SCARF2: variants seen among roughly 807,000 people sequenced by gnomAD.
SCARF2 encodes the protein scavenger receptor expressed by endothelial cells 2 protein.
SCARF2 carries 39 observed loss-of-function variants against 73.4 expected under a neutral mutation model. The observed-to-expected ratio is 0.53, with a 90% CI of 0.41 to 0.69. The LOEUF (loss-of-function observed/expected upper bound fraction) is 0.69. SCARF2 is among the 30% of genes least tolerant of loss of function. The probability of loss-of-function intolerance (pLI) is 0.00; values close to 1 mark genes in which losing one functional copy is unlikely to be tolerated. For synonymous variants in SCARF2, 605 were observed against 590.0 expected (o/e 1.03, Z -0.37); for missense variants, 1,148 against 1,303.5 (o/e 0.88, Z 1.84).
At chr22:20,431,590 C>T (rs970976840) in intron 3 of SCARF2, 53 bp from the exon 4 acceptor site, 2 of 1,544,990 alleles carry the variant, frequency 1.3e-6, no homozygotes, top group Admixed American at 2.0e-5. Context: ...AGTAGGTGCC[C>T]CCAGCCAGCC....
rs2052612775 is a variant in SCARF2, at chr22:20,429,207, C to A, written c.1540+18G>T. ...TCGAGAGGTGTTTCTCCCAGATACCCCGCGCTGTCATCCTTACCTACGACT... is the reference window on the plus strand; with the variant it reads ...TCGAGAGGTGTTTCTCCCAGATACCACGCGCTGTCATCCTTACCTACGACT... On this transcript the variant is annotated intron_variant, in intron 9 of 10. Transcript: ENST00000622235. This position sits in a 1 kb window ranked among gnomAD's most constrained non-coding sequence, Gnocchi z 5.2. 1 of 1,613,856 alleles carries A rather than the reference C, an allele frequency of 6.2e-7. No individual in the cohort carries two copies. The highest frequency in any genetic ancestry group is 1.3e-5 in the African/African-American group (1 of 74,932).
Position 20,431,749 on chromosome 22 carries a change from G to A in SCARF2, c.330C>T (p.Asp110=), listed in dbSNP as rs2052651083. 1 of 1,574,948 alleles carries A rather than the reference G, an allele frequency of 6.3e-7. No homozygotes were observed. Among genetic ancestry groups the A allele is most frequent in the Non-Finnish European group, 8.6e-7 (1 of 1,160,972 alleles). Residue 110 remains aspartate (D), a synonymous_variant, in exon 3 of 11, where the codon GAC becomes GAT. Transcript: ENST00000622235. ...CCGGCCCGACCCCACGCTCACTGGT[G>A]TCGCAGTTGGCACCGAAGTAGCCGT... ...CRHGYFGANC[D]TKCPRQFWGP...
At chr22:20,426,407 T>C (rs1342346284) in intron 10 of SCARF2, 125 bp from the exon 11 acceptor site, 23 of 1,058,078 alleles carry the variant, frequency 2.2e-5, no homozygotes, top group East Asian at 2.8e-5. Flanking sequence ...CCCTGGCATC[T>C]AGACGTGCCT....
chr22:20,430,306 TG>T, intron 6 of SCARF2, 122 bp downstream of exon 6: 2 of 1,207,176 alleles, frequency 1.7e-6, no homozygotes, highest in Non-Finnish European at 2.3e-6. Context: ...ACTCCCTAGC[TG>T]GGGTAAGGGA....
At chr22:20,433,000 A>G (rs1216511240) in intron 1 of SCARF2, among the ~76,000 whole-genome samples, 1 of 152,232 alleles carries the variant, frequency 6.6e-6, no homozygotes, top group East Asian at 1.9e-4. Context: ...TACAGGCATG[A>G]GCCAGCGTGC....
At chr22:20,432,204 C>G (rs999812161) in intron 1 of SCARF2, among the ~76,000 whole-genome samples, 2 of 152,178 alleles carry the variant, frequency 1.3e-5, no homozygotes, top group African/African-American at 4.8e-5. Context: ...CAGAACCACC[C>G]ACCCCATCTC....
At chr22:20,434,759 T>A (rs9610925) in intron 1 of SCARF2, among the ~76,000 whole-genome samples, 51,035 of 152,058 alleles carry the variant, frequency 0.34, 8,965 homozygotes, top group Non-Finnish European at 0.37. Context: ...GAGCATTAGT[T>A]CTGTGATTCA....
chr22:20,434,109 C>G (rs1171817585), intron 1 of SCARF2, among the ~76,000 whole-genome samples: 2 of 152,142 alleles, frequency 1.3e-5, no homozygotes, highest in Admixed American at 6.5e-5. Flanking sequence ...TAGTAGGGCT[C>G]TACTGTAGAA....
At chr22:20,431,657 C>T (rs2052649525) in intron 3 of SCARF2, 88 bp downstream of exon 3, 1 of 1,536,592 alleles carries the variant, frequency 6.5e-7, no homozygotes, top group Admixed American at 2.0e-5. Context: ...GCCCCGAAGG[C>T]GGATCCGACC....
At chr22:20,433,855 T>C (rs1444250409) in intron 1 of SCARF2, among the ~76,000 whole-genome samples, 1 of 152,232 alleles carries the variant, frequency 6.6e-6, no homozygotes, top group Non-Finnish European at 1.5e-5. Context: ...TGTGTCTGCT[T>C]CTGAACCATG....
intron 1 of SCARF2, among the ~76,000 whole-genome samples, chr22:20,433,231 G>A (rs1433172889): frequency 6.6e-6 from 1 of 152,216 alleles, no homozygotes; most frequent in East Asian, 1.9e-4. Context: ...CAGGGGCAGA[G>A]GAGGCTGAGA....
chr22:20,429,813 G>T lies in SCARF2; in HGVS notation c.1223C>A (p.Pro408His). 3 of 1,613,020 alleles carry T rather than the reference G, an allele frequency of 1.9e-6. No homozygotes were observed. The highest frequency in any genetic ancestry group is 2.5e-6 in the Non-Finnish European group (3 of 1,179,788). ...HGPHCNVTCP[P>H]GLHGADCAQA... is the part of the protein sequence containing the mutation. The stretch of plus-strand genomic sequence containing the variant: ...AGCACAGTCCGCGCCGTGGAGTCCG[G>T]GCGGGCACGTCACGTTACAGCTGCC... Residue 408 changes from proline (P) to histidine (H), a missense_variant, in exon 7 of 11, where the codon CCC becomes CAC. Physicochemically the swap from Pro to His is moderately conservative, Grantham distance 77. Coordinates refer to ENST00000622235, the MANE Select transcript of SCARF2 (RefSeq NM_182895.5). The surrounding 1 kb of genome is among the most constrained non-coding windows in gnomAD (Gnocchi z 5.2).
intron 10 of SCARF2, 25 bp from the exon 11 acceptor site, chr22:20,426,307 C>T: frequency 6.5e-7 from 1 of 1,531,914 alleles, no homozygotes; most frequent in Non-Finnish European, 8.7e-7. Flanking sequence ...GCAGGGCGGT[C>T]ACAGCCTTCA....
At chr22:20,433,029 T>G (rs550896735) in intron 1 of SCARF2, among the ~76,000 whole-genome samples, 1 of 152,314 alleles carries the variant, frequency 6.6e-6, no homozygotes, top group South Asian at 2.1e-4. Flanking sequence ...TTTATGCTGA[T>G]TGTCTTCCAC....
intron 1 of SCARF2, among the ~76,000 whole-genome samples, chr22:20,433,983 C>T (rs2052672767): frequency 6.6e-6 from 1 of 152,226 alleles, no homozygotes; most frequent in Non-Finnish European, 1.5e-5. Flanking sequence ...GGCTCTGTGG[C>T]TAGGACCCTC....
chr22:20,431,751 C>T lies in SCARF2; in HGVS notation c.328G>A (p.Asp110Asn), dbSNP rs1438322787. ...GGCCCGACCCCACGCTCACTGGTGTCGCAGTTGGCACCGAAGTAGCCGTGG... is the reference window on the plus strand; with the variant it reads ...GGCCCGACCCCACGCTCACTGGTGTTGCAGTTGGCACCGAAGTAGCCGTGG... ...CRHGYFGANCDTKCPRQFWGP... is the reference protein window; with the variant it reads ...CRHGYFGANCNTKCPRQFWGP... The change falls in exon 3 of 11, where the codon GAC becomes AAC. Residue 110 changes from aspartate to asparagine, a missense_variant. This residue lies in a region of SCARF2 where 372 missense variants were observed against 532.0 expected (regional missense o/e 0.70). Coordinates refer to ENST00000622235, the MANE Select transcript of SCARF2 (RefSeq NM_182895.5). 1 of 1,566,974 alleles carries T rather than the reference C, an allele frequency of 6.4e-7. No homozygotes were observed. The highest frequency in any genetic ancestry group is 8.6e-7 in the Non-Finnish European group (1 of 1,157,144).
chr22:20,435,096 G>T (rs1177292492), intron 1 of SCARF2, among the ~76,000 whole-genome samples: 3 of 152,172 alleles, frequency 2.0e-5, no homozygotes, highest in Non-Finnish European at 4.4e-5. Context: ...GAGACCTCAT[G>T]GGCCTCATGC....
At position 20,430,740 on chromosome 22, in the gene SCARF2, G is replaced by A. The variant is rs374249555; in HGVS notation, c.1023C>T (p.Asn341=). The part of the protein sequence containing the change: ...CPPCRDGHAC[N]HVTGKCTRCN... ...AGCGCGTACACTTGCCGGTGACATG[G>A]TTACAGGCATGCCCGTCGCGGCATG... The change falls in exon 5 of 11, where the codon AAC becomes AAT. Residue 341 remains asparagine (N), a synonymous_variant. Coordinates refer to ENST00000622235, the MANE Select transcript of SCARF2 (RefSeq NM_182895.5). 6.7e-5 allele frequency: 108 copies of A among 1,607,754 alleles called. No homozygotes were observed. The highest frequency in any genetic ancestry group is 8.7e-5 in the Non-Finnish European group (103 of 1,177,740).
chr22:20,432,000 G>A lies in SCARF2; in HGVS notation c.174-12C>T, dbSNP rs572899354. ...TGGGCACCTGGGAGCTGCGAGCAGA[G>A]GGAGGACATCTAAGCCCGATGCCCC... On this transcript the variant is annotated splice_polypyrimidine_tract_variant and intron_variant, in intron 1 of 10. Coordinates refer to ENST00000622235, the MANE Select transcript of SCARF2 (RefSeq NM_182895.5). The A allele has an allele frequency of 6.2e-7, 1 of 1,607,248 alleles. No homozygotes were observed. The highest frequency in any genetic ancestry group is 1.3e-5 in the African/African-American group (1 of 74,844).
Sources: allele counts gnomAD v4.1 joint callset (sites outside exome capture counted in the v4.1 genomes callset), GRCh38; gene constraint gnomAD v4.1.1; regional missense constraint gnomAD v4.1.1; non-coding constraint Gnocchi (gnomAD v3.1); transcripts MANE v1.5; gene names NCBI Gene and HGNC (gene_info 2026-07-23, HGNC 2026-07-21).